Variants in PDE1A observed in about 807,000 individuals in gnomAD.
PDE1A encodes phosphodiesterase 1A.
A neutral mutation model predicts 61.7 loss-of-function variants in PDE1A; 35 were observed. That is an observed-to-expected ratio of 0.57 (90% CI 0.43 to 0.75). PDE1A has a LOEUF of 0.75. Among genes scored for constraint, PDE1A ranks in the 30% least tolerant of loss-of-function variants. The pLI is 0.00. For missense variants in PDE1A, 597 were observed against 630.6 expected, an observed-to-expected ratio of 0.95 and a Z score of 0.57; for synonymous variants, 232 against 213.2, an observed-to-expected ratio of 1.09 and a Z score of -0.77.
chr2:182,619,458 C>T, the PDE1A span, among the ~76,000 whole-genome samples: 1 of 152,002 alleles, frequency 6.6e-6, no homozygotes, highest in African/African-American at 2.4e-5. Context: ...AGGAGAGTAA[C>T]ATGAGCAAAC....
intron 10 of PDE1A, 102 bp downstream of exon 10, chr2:182,201,337 T>C: frequency 1.4e-6 from 2 of 1,416,988 alleles, no homozygotes; most frequent in Non-Finnish European, 1.9e-6. Context: ...GGCCAGTTGA[T>C]AATAGTAAGT....
At chr2:182,261,206 T>G (rs1231621698) in intron 2 of PDE1A, among the ~76,000 whole-genome samples, 1 of 152,110 alleles carries the variant, frequency 6.6e-6, no homozygotes, top group East Asian at 1.9e-4. Context: ...CTGAGAAGAG[T>G]CAGGTATAGA....
At chr2:182,255,272 G>A (rs1400357828) in intron 2 of PDE1A, among the ~76,000 whole-genome samples, 1 of 152,202 alleles carries the variant, frequency 6.6e-6, no homozygotes, top group Admixed American at 6.5e-5. Context: ...AACTGGCTTG[G>A]TTGGGTTTCC....
chr2:182,583,670 A>C, the PDE1A span, among the ~76,000 whole-genome samples: 5 of 152,216 alleles, frequency 3.3e-5, no homozygotes, highest in African/African-American at 4.8e-5. Flanking sequence ...ATAGCCTTGA[A>C]TAAAGTCTTC....
chr2:182,668,446 GC>G, the PDE1A span, among the ~76,000 whole-genome samples: 1 of 151,288 alleles, frequency 6.6e-6, no homozygotes, highest in East Asian at 1.9e-4. Flanking sequence ...CGAAAAAAAG[GC>G]AAAAAAAACC....
chr2:182,527,052 AT>A (rs575354669), upstream of PDE1A, among the ~76,000 whole-genome samples: 415 of 151,436 alleles, frequency 2.7e-3, 3 homozygotes, highest in African/African-American at 9.5e-3. Flanking sequence ...AAGATATTCT[AT>A]TTTTTTAAAG....
In PDE1A at chr2:182,329,923, C is replaced by A. The variant is rs548832791; in HGVS notation, c.54-65509G>T. Among the ~76,000 whole-genome samples, 299 of 152,256 alleles carry A rather than the reference C, an allele frequency of 2.0e-3. 1 individual carries two copies. The highest frequency in any genetic ancestry group is 7.1e-3 in the African/African-American group (294 of 41,554). ...GTTTTGTTTTTGCTCGTTATATTCC[C>A]CACACTTAAAATGGTGTCTGATATA... On this transcript the variant is annotated intron_variant, in intron 1 of 13. Transcript: ENST00000351439.
the PDE1A span, among the ~76,000 whole-genome samples, chr2:182,537,574 C>T: frequency 6.6e-6 from 1 of 151,980 alleles, no homozygotes; most frequent in Non-Finnish European, 1.5e-5. Context: ...GTGCAGCAAA[C>T]CACCATGGCA....
At chr2:182,627,088 ATATAT>A in the PDE1A span, among the ~76,000 whole-genome samples, 13 of 13,724 alleles carry the variant, frequency 9.5e-4, 2 homozygotes, top group African/African-American at 2.1e-3. Flanking sequence ...AATATAAATG[ATATAT>A]TATGTATATA....
At chr2:182,497,764 A>C (rs6433975) in intron 2 of PDE1A, among the ~76,000 whole-genome samples, 151,143 of 152,156 alleles carry the variant, frequency 0.99, 75,069 homozygotes, top group East Asian at 1. Context: ...AGCACCCGGC[A>C]GGGCGCGGTG....
At chr2:182,374,442 T>C (rs1319761516) in intron 1 of PDE1A, among the ~76,000 whole-genome samples, 1 of 152,014 alleles carries the variant, frequency 6.6e-6, no homozygotes, top group Admixed American at 6.5e-5. Flanking sequence ...GACACAAAAA[T>C]ACTAACCATA....
chr2:182,694,730 A>G, the PDE1A span, among the ~76,000 whole-genome samples: 1 of 151,054 alleles, frequency 6.6e-6, no homozygotes, highest in African/African-American at 2.4e-5. Context: ...AGAGCAACTG[A>G]TGGAAGCAGA....
chr2:182,443,359 C>T (rs1684915808), intron 2 of PDE1A, among the ~76,000 whole-genome samples: 1 of 151,864 alleles, frequency 6.6e-6, no homozygotes, highest in Non-Finnish European at 1.5e-5. Flanking sequence ...ATAATATAGT[C>T]TGGCTATGAT....
intron 2 of PDE1A, among the ~76,000 whole-genome samples, chr2:182,503,235 C>T (rs945221025): frequency 5.3e-5 from 8 of 152,174 alleles, no homozygotes; most frequent in East Asian, 1.9e-4. Flanking sequence ...AGAACCTTCA[C>T]GTGGACAAAG....
chr2:182,313,705 A>C (rs947633090), intron 1 of PDE1A, among the ~76,000 whole-genome samples: 1 of 152,228 alleles, frequency 6.6e-6, no homozygotes, highest in Admixed American at 6.5e-5. Context: ...GGCTTCTACA[A>C]ACACTTTAAT....
chr2:182,545,162 G>A, the PDE1A span, among the ~76,000 whole-genome samples: 1 of 152,136 alleles, frequency 6.6e-6, no homozygotes, highest in Non-Finnish European at 1.5e-5. Flanking sequence ...TAGCAGACAG[G>A]ATGAAGGAAG....
At chr2:182,235,359 GT>G (rs1460616091) in intron 3 of PDE1A, among the ~76,000 whole-genome samples, 1 of 152,120 alleles carries the variant, frequency 6.6e-6, no homozygotes, top group Non-Finnish European at 1.5e-5. Flanking sequence ...GGTCAGGCTG[GT>G]CTCAAACTCC....
chr2:182,410,825 C>A (rs1665605829), intron 1 of PDE1A, among the ~76,000 whole-genome samples: 1 of 152,112 alleles, frequency 6.6e-6, no homozygotes, highest in African/African-American at 2.4e-5. Context: ...AAGTACCATC[C>A]ATTCCCTTTG....
the PDE1A span, among the ~76,000 whole-genome samples, chr2:182,714,855 G>A: frequency 3.3e-5 from 5 of 151,958 alleles, no homozygotes; most frequent in African/African-American, 9.7e-5. Flanking sequence ...CACCACACCC[G>A]GCCCACCACC....
Sources: gnomAD v4.1 joint callset for allele counts (sites outside exome capture counted in the v4.1 genomes callset) on GRCh38, gnomAD v4.1.1 for gene constraint, MANE v1.5 for transcripts, NCBI Gene and HGNC (gene_info 2026-07-23, HGNC 2026-07-21) for gene names.